Variants in FBXL5 observed in about 807,000 individuals in gnomAD.
The protein encoded by FBXL5 is F-box/LRR-repeat protein 5.
A neutral mutation model predicts 78.3 loss-of-function variants in FBXL5; 26 were observed. The ratio of observed to expected loss-of-function variants is 0.33; its 90% CI spans 0.24 to 0.46. The LOEUF (loss-of-function observed/expected upper bound fraction) is 0.46. FBXL5 is among the 20% of genes least tolerant of loss of function. FBXL5 has a pLI of 1.00. For missense variants in FBXL5, 710 were observed against 829.2 expected (o/e 0.86, Z 1.77); for synonymous variants, 295 against 282.5 (o/e 1.04, Z -0.45).
At chr4:15,632,202 G>A (rs1331389573) in intron 5 of FBXL5, among the ~76,000 whole-genome samples, 1 of 152,022 alleles carries the variant, frequency 6.6e-6, no homozygotes, top group Admixed American at 6.6e-5. Flanking sequence ...TTTTTCTCAG[G>A]TTTGTGAAAG....
intron 3 of FBXL5, 98 bp from the exon 4 acceptor site, chr4:15,638,792 A>G (rs920090488): frequency 1.4e-6 from 1 of 695,286 alleles, no homozygotes; most frequent in Admixed American, 3.6e-5. Context: ...TCGTATTATG[A>G]CCATATATCT....
intron 1 of FBXL5, among the ~76,000 whole-genome samples, chr4:15,648,694 T>C (rs1290296068): frequency 6.6e-6 from 1 of 151,844 alleles, no homozygotes; most frequent in East Asian, 1.9e-4. Context: ...ATATGAAAGG[T>C]GGTTGTTGGG....
chr4:15,652,387 C>G (rs893772287), intron 1 of FBXL5, among the ~76,000 whole-genome samples: 2 of 152,206 alleles, frequency 1.3e-5, no homozygotes, highest in African/African-American at 4.8e-5. Flanking sequence ...CCTAGCTAAT[C>G]TAGGCCTCTA....
intron 2 of FBXL5, among the ~76,000 whole-genome samples, chr4:15,643,263 T>A (rs1382445853): frequency 6.6e-6 from 1 of 152,348 alleles, no homozygotes; most frequent in East Asian, 1.9e-4. Context: ...CTTTTCTTTA[T>A]CTTTAATCCA....
chr4:15,669,021 T>C (rs946225114), intron 1 of FBXL5, among the ~76,000 whole-genome samples: 2 of 152,216 alleles, frequency 1.3e-5, no homozygotes, highest in Non-Finnish European at 2.9e-5. Flanking sequence ...ATAACACTTG[T>C]AGAGAAATGT....
chr4:15,655,484 C>G, upstream of FBXL5: 1 of 743,872 alleles, frequency 1.3e-6, no homozygotes, highest in Non-Finnish European at 1.6e-6. Context: ...CGTGACCGGG[C>G]GCGCGCAGAG....
chr4:15,652,348 T>C (rs1390646468), intron 1 of FBXL5, among the ~76,000 whole-genome samples: 1 of 152,186 alleles, frequency 6.6e-6, no homozygotes, highest in Non-Finnish European at 1.5e-5. Flanking sequence ...TCCATCTGAA[T>C]CTACCACTAG....
chr4:15,675,903 A>G (rs1015123874), intron 1 of FBXL5, among the ~76,000 whole-genome samples: 3 of 152,178 alleles, frequency 2.0e-5, no homozygotes, highest in Non-Finnish European at 4.4e-5. Context: ...TTCTAGTTGA[A>G]TACGCAGAAA....
At chr4:15,623,111 T>G (rs1712650609) in intron 9 of FBXL5, among the ~76,000 whole-genome samples, 1 of 152,292 alleles carries the variant, frequency 6.6e-6, no homozygotes, top group Non-Finnish European at 1.5e-5. Flanking sequence ...CTCTGCCTTT[T>G]CAGGAAGTGG....
intron 9 of FBXL5, among the ~76,000 whole-genome samples, chr4:15,624,088 T>C (rs1279797585): frequency 6.6e-6 from 1 of 152,042 alleles, no homozygotes; most frequent in Non-Finnish European, 1.5e-5. Flanking sequence ...CCTCCCAAAG[T>C]GCTGGGATTA....
In FBXL5 at chr4:15,612,249, C is replaced by G. The variant is rs776427593; in HGVS notation, c.1999+17G>C. 1 of 1,483,902 alleles carries G rather than the reference C, an allele frequency of 6.7e-7. No homozygotes were observed. Among genetic ancestry groups the G allele is most frequent in the South Asian group, 1.5e-5 (1 of 68,450 alleles). 91.9% of individuals were successfully genotyped at this position (1,483,902 alleles called of 1,614,324 possible). A position where few individuals can be genotyped will look rare whatever the true frequency, so the allele number is the denominator to read the frequency against. ...AATTAATTCCTTCAAAATTATCGCACTGTTAAAAGGCATTACCGTTAATGT... is the reference window on the plus strand; with the variant it reads ...AATTAATTCCTTCAAAATTATCGCAGTGTTAAAAGGCATTACCGTTAATGT... On this transcript the variant is annotated intron_variant, in intron 10 of 10. Coordinates refer to ENST00000341285, the MANE Select transcript of FBXL5 (RefSeq NM_012161.4).
At chr4:15,608,961 A>G (rs1722062359) in intron 10 of FBXL5, among the ~76,000 whole-genome samples, 1 of 152,200 alleles carries the variant, frequency 6.6e-6, no homozygotes, top group Non-Finnish European at 1.5e-5. Context: ...CATGGAAAGT[A>G]TAAGCAACAT....
intron 7 of FBXL5, 102 bp downstream of exon 7, chr4:15,627,782 AT>A: frequency 9.1e-7 from 1 of 1,101,280 alleles, no homozygotes; most frequent in Non-Finnish European, 1.3e-6. Context: ...CTCAATAATC[AT>A]TTTTGGGTTT....
Position 15,644,686 on chromosome 4 carries a change from T to C in FBXL5, c.107A>G (p.Asn36Ser), listed in dbSNP as rs1715195972. 2 of 1,608,536 alleles carry C rather than the reference T, an allele frequency of 1.2e-6. No homozygotes were observed. The highest frequency in any genetic ancestry group is 2.7e-5 in the African/African-American group (2 of 74,760). Residue 36 changes from asparagine to serine, a missense_variant, in exon 2 of 11, where the codon AAC (asparagine) becomes AGC (serine). By Grantham distance (46) the Asn-to-Ser change is conservative. This residue lies in a region of FBXL5 where 132 missense variants were observed against 156.9 expected (regional missense o/e 0.84). Coordinates refer to ENST00000341285, the MANE Select transcript of FBXL5 (RefSeq NM_012161.4). ...CAGAAGAGCACGGAAATCGTTGTTGTTGGAAAAATTGGTTTTAGAAAGCTG... is the reference window on the plus strand; with the variant it reads ...CAGAAGAGCACGGAAATCGTTGTTGCTGGAAAAATTGGTTTTAGAAAGCTG... The part of the protein sequence containing the change: ...CDKLSKTNFS[N>S]NNDFRALLQS...
At chr4:15,636,796 G>T in intron 4 of FBXL5, 120 bp from the exon 5 acceptor site, 1 of 677,204 alleles carries the variant, frequency 1.5e-6, no homozygotes, top group Non-Finnish European at 2.4e-6. Context: ...CTGCTTGCAA[G>T]ATGTGAAAAT....
intron 1 of FBXL5, 25 bp downstream of exon 1, chr4:15,655,179 A>G (rs376438311): frequency 5.2e-5 from 71 of 1,370,790 alleles, no homozygotes; most frequent in Non-Finnish European, 6.5e-5. Context: ...CACCGCCCAC[A>G]GCGGGAGGCT....
chr4:15,670,477 A>T (rs1717715776), intron 1 of FBXL5, among the ~76,000 whole-genome samples: 1 of 152,098 alleles, frequency 6.6e-6, no homozygotes, highest in African/African-American at 2.4e-5. Flanking sequence ...CATCCTTTTA[A>T]CCTATTTGGG....
At chr4:15,677,313 C>CTAAAA (rs1209514988) in intron 1 of FBXL5, among the ~76,000 whole-genome samples, 3 of 152,084 alleles carry the variant, frequency 2.0e-5, no homozygotes, top group Non-Finnish European at 1.5e-5. Flanking sequence ...AAGAAAGCTC[C>CTAAAA]TAAAACCCTT....
intron 6 of FBXL5, among the ~76,000 whole-genome samples, chr4:15,628,772 GACACACAC>G (rs1553850273): frequency 7.1e-6 from 1 of 140,298 alleles, no homozygotes; most frequent in East Asian, 2.0e-4. Flanking sequence ...GCCAGACACA[GACACACAC>G]ACACACACGC....
Sources: gnomAD v4.1 joint callset for allele counts (sites outside exome capture counted in the v4.1 genomes callset) on GRCh38, gnomAD v4.1.1 for gene constraint, gnomAD v4.1.1 regional missense constraint, MANE v1.5 for transcripts, NCBI Gene and HGNC (gene_info 2026-07-23, HGNC 2026-07-21) for gene names.